The following IGF2BP2 variants were observed in gnomAD, a reference collection of about 807,000 sequenced individuals.
IGF2BP2 encodes the protein insulin like growth factor 2 mRNA binding protein 2, also known as insulin-like growth factor 2 mRNA-binding protein 2.
IGF2BP2 carries 17 observed loss-of-function variants against 75.8 expected under a neutral mutation model. That is an observed-to-expected ratio of 0.22 (90% CI 0.15 to 0.34). IGF2BP2 has a LOEUF of 0.34. Ranked by LOEUF, IGF2BP2 falls within the 10% of genes least tolerant of loss-of-function variation. IGF2BP2 has a pLI of 1.00. For missense variants in IGF2BP2, 516 were observed against 772.4 expected, an observed-to-expected ratio of 0.67 and a Z score of 3.93; for synonymous variants, 288 against 295.6, an observed-to-expected ratio of 0.97 and a Z score of 0.26.
At chr3:185,776,156 G>C (rs1338783470) in intron 2 of IGF2BP2, among the ~76,000 whole-genome samples, 5 of 152,124 alleles carry the variant, frequency 3.3e-5, no homozygotes, top group Non-Finnish European at 7.4e-5. Flanking sequence ...GAGGTGGGAA[G>C]ATCACTTGAG....
At chr3:185,815,308 T>C (rs1347263661) in intron 2 of IGF2BP2, among the ~76,000 whole-genome samples, 1 of 152,168 alleles carries the variant, frequency 6.6e-6, no homozygotes, top group Non-Finnish European at 1.5e-5. Context: ...CAGCATAGGT[T>C]TTATATATGG....
chr3:185,817,688 G>A (rs946390474), intron 2 of IGF2BP2, among the ~76,000 whole-genome samples: 4 of 152,148 alleles, frequency 2.6e-5, no homozygotes, highest in Non-Finnish European at 5.9e-5. Context: ...TGTTTTAATG[G>A]TGATGATAAA....
intron 2 of IGF2BP2, among the ~76,000 whole-genome samples, chr3:185,760,939 T>C (rs1267407881): frequency 3.3e-5 from 5 of 152,246 alleles, no homozygotes; most frequent in Non-Finnish European, 7.3e-5. Context: ...AATTTTCCTT[T>C]TGTTTTGTTC....
intron 2 of IGF2BP2, among the ~76,000 whole-genome samples, chr3:185,810,017 T>C (rs1199415995): frequency 6.6e-6 from 1 of 152,222 alleles, no homozygotes; most frequent in Non-Finnish European, 1.5e-5. Flanking sequence ...GGGAGCCAAA[T>C]ATTAATAAAA....
intron 2 of IGF2BP2, among the ~76,000 whole-genome samples, chr3:185,794,995 T>C (rs915232382): frequency 6.6e-6 from 1 of 152,124 alleles, no homozygotes; most frequent in Admixed American, 6.5e-5. Context: ...CCTCCCGGGT[T>C]CATGCCATTC....
chr3:185,651,764 T>C (rs1007161730), intron 13 of IGF2BP2, among the ~76,000 whole-genome samples: 2 of 152,134 alleles, frequency 1.3e-5, no homozygotes, highest in African/African-American at 4.8e-5. Context: ...TAGTCCTCCA[T>C]AGCTTGAAGG....
intron 2 of IGF2BP2, among the ~76,000 whole-genome samples, chr3:185,783,482 G>C (rs1388317227): frequency 6.6e-6 from 1 of 152,224 alleles, no homozygotes; most frequent in Non-Finnish European, 1.5e-5. Context: ...TTCCAACCCA[G>C]GAGGTGTTTA....
intron 2 of IGF2BP2, among the ~76,000 whole-genome samples, chr3:185,726,920 C>G (rs767195433): frequency 4.6e-5 from 7 of 152,184 alleles, no homozygotes; most frequent in Non-Finnish European, 1.0e-4. Flanking sequence ...CTGGAAACAA[C>G]AGAAGAAATT....
At chr3:185,668,508 G>GAGATAT (rs779987582) in intron 10 of IGF2BP2, among the ~76,000 whole-genome samples, 61 of 125,774 alleles carry the variant, frequency 4.8e-4, no homozygotes, top group Middle Eastern at 4.5e-3. Context: ...GAGAGAGAGA[G>GAGATAT]ATATATATAT....
chr3:185,718,684 CAAAAAAAAAAAA>C lies in IGF2BP2; in HGVS notation c.240-20349_240-20338del, dbSNP rs10699427. 1.2e-4 allele frequency among the ~76,000 whole-genome samples: 6 copies of C among 49,530 alleles called. No individual in the cohort carries two copies. In the Admixed American group the frequency reaches 1.8e-3, roughly 14 times the overall value. 32.5% of individuals were successfully genotyped at this position (49,530 alleles called of 152,430 possible). The stretch of plus-strand genomic sequence containing the variant: ...TGGACAACAGAGCGAGACTCTGTCT[CAAAAAAAAAAAA>C]AAAAAAAAAAAAGAAAGTCAGAAAC... On this transcript the variant is annotated intron_variant, in intron 2 of 15. Transcript: ENST00000382199.
chr3:185,736,789 C>T (rs1323198514), intron 2 of IGF2BP2, among the ~76,000 whole-genome samples: 2 of 152,184 alleles, frequency 1.3e-5, no homozygotes, highest in East Asian at 3.9e-4. Flanking sequence ...ATGTTGGGGA[C>T]ATGCCTGAAT....
chr3:185,643,821 T>C lies in IGF2BP2; in HGVS notation c.*1710A>G, dbSNP rs1025954008. ...TTTTGTCACAGAACACTGTTTGCAG[T>C]AGAGGAAACTGGCATTGCAGTCTGG... On this transcript the variant is annotated 3_prime_UTR_variant, in exon 16 of 16. Coordinates refer to ENST00000382199, the MANE Select transcript of IGF2BP2 (RefSeq NM_006548.6). 4 of 145,528 alleles carry C rather than the reference T, an allele frequency of 2.7e-5. No individual in the cohort carries two copies. The highest frequency in any genetic ancestry group is 4.5e-5 in the Non-Finnish European group (3 of 66,904). The allele number at this position is 145,528 out of a possible 1,614,324, so 9.0% of individuals were successfully genotyped here.
chr3:185,692,549 G>T lies in IGF2BP2; in HGVS notation c.404+150C>A, dbSNP rs1434047793. 9 of 636,454 alleles carry T rather than the reference G, an allele frequency of 1.4e-5. No individual in the cohort carries two copies. The African/African-American group carries it at 1.7e-4, about 12-fold the overall frequency. 39.4% of individuals were successfully genotyped at this position (636,454 alleles called of 1,614,324 possible). A position where few individuals can be genotyped will look rare whatever the true frequency, so the allele number is the denominator to read the frequency against. On this transcript the variant is annotated intron_variant, in intron 5 of 15. Transcript: ENST00000382199. The stretch of plus-strand genomic sequence containing the variant: ...CCAATATGTCAAAGGTGGCTCAGAT[G>T]CCGTGGAGCTCCATGGGTATGTCAA...
chr3:185,727,848 G>A (rs1400812485), intron 2 of IGF2BP2, among the ~76,000 whole-genome samples: 1 of 152,074 alleles, frequency 6.6e-6, no homozygotes, highest in African/African-American at 2.4e-5. Context: ...GACTTAGAAA[G>A]GATAAATCTT....
chr3:185,685,344 A>C (rs1720973763), intron 7 of IGF2BP2, among the ~76,000 whole-genome samples: 1 of 152,110 alleles, frequency 6.6e-6, no homozygotes, highest in South Asian at 2.1e-4. Context: ...CGTCTCAAAA[A>C]AAAAAAAGGA....
intron 2 of IGF2BP2, among the ~76,000 whole-genome samples, chr3:185,780,004 T>C (rs1447385191): frequency 6.6e-6 from 1 of 152,116 alleles, no homozygotes; most frequent in Non-Finnish European, 1.5e-5. Flanking sequence ...CATAGGCAAA[T>C]GGCAAAACAA....
intron 4 of IGF2BP2, among the ~76,000 whole-genome samples, chr3:185,695,128 A>G (rs991852619): frequency 6.6e-6 from 1 of 152,106 alleles, no homozygotes; most frequent in African/African-American, 2.4e-5. Context: ...TGTCGAAGGA[A>G]ATAAGAACTA....
intron 2 of IGF2BP2, among the ~76,000 whole-genome samples, chr3:185,732,796 A>T (rs1728363860): frequency 6.6e-6 from 1 of 152,236 alleles, no homozygotes; most frequent in South Asian, 2.1e-4. Flanking sequence ...TTTTTTCCCC[A>T]AATTTAATGT....
chr3:185,772,917 T>C (rs891388621), intron 2 of IGF2BP2, among the ~76,000 whole-genome samples: 5 of 152,140 alleles, frequency 3.3e-5, no homozygotes, highest in Admixed American at 6.6e-5. Flanking sequence ...ATGTCTGCTC[T>C]CAATAATGTC....
Sources: allele counts gnomAD v4.1 joint callset (sites outside exome capture counted in the v4.1 genomes callset), GRCh38; gene constraint gnomAD v4.1.1; transcripts MANE v1.5; gene names NCBI Gene and HGNC (gene_info 2026-07-23, HGNC 2026-07-21).